PALLD: variants seen among roughly 807,000 people sequenced by gnomAD.
The protein encoded by PALLD is palladin, cytoskeletal associated protein.
A neutral mutation model predicts 123.5 loss-of-function variants in PALLD; 61 were observed. That is an observed-to-expected ratio of 0.49 (90% CI 0.40 to 0.61). PALLD has a LOEUF of 0.61. Ranked by LOEUF, PALLD falls within the 20% of genes least tolerant of loss-of-function variation. PALLD has a pLI of 0.00. For missense variants in PALLD, 1,273 were observed against 1,377.0 expected, an observed-to-expected ratio of 0.92 and a Z score of 1.20; for synonymous variants, 465 against 496.4, an observed-to-expected ratio of 0.94 and a Z score of 0.84.
intron 10 of PALLD, among the ~76,000 whole-genome samples, chr4:168,718,199 G>T (rs1009096112): frequency 6.6e-6 from 1 of 152,144 alleles, no homozygotes; most frequent in African/African-American, 2.4e-5. Context: ...ACTAGTTAGG[G>T]TTCAAGATCT....
intron 10 of PALLD, among the ~76,000 whole-genome samples, chr4:168,792,151 T>C (rs1326185543): frequency 6.6e-6 from 1 of 152,120 alleles, no homozygotes; most frequent in Non-Finnish European, 1.5e-5. Flanking sequence ...GATTCGTACC[T>C]CTGTATAATT....
chr4:168,680,043 G>A (rs1051024219), intron 3 of PALLD, among the ~76,000 whole-genome samples: 1 of 152,112 alleles, frequency 6.6e-6, no homozygotes, highest in Non-Finnish European at 1.5e-5. Context: ...GGAATACCAG[G>A]CAGCTATCCA....
chr4:168,876,449 T>C (rs1751764238), intron 10 of PALLD, among the ~76,000 whole-genome samples: 1 of 152,240 alleles, frequency 6.6e-6, no homozygotes, highest in African/African-American at 2.4e-5. Context: ...TATTTGATGC[T>C]CTGTACATAT....
intron 8 of PALLD, among the ~76,000 whole-genome samples, chr4:168,706,970 T>C (rs1383448974): frequency 6.6e-6 from 1 of 152,214 alleles, no homozygotes; most frequent in African/African-American, 2.4e-5. Flanking sequence ...CTTTATTTTA[T>C]ACTTAGTGTT....
intron 10 of PALLD, among the ~76,000 whole-genome samples, chr4:168,871,956 C>T (rs976549365): frequency 3.3e-5 from 5 of 152,204 alleles, no homozygotes; most frequent in Non-Finnish European, 7.3e-5. Flanking sequence ...TGGATCTCCA[C>T]AGACCTCCTA....
At chr4:168,634,234 G>A (rs779376191) in intron 2 of PALLD, among the ~76,000 whole-genome samples, 5 of 152,166 alleles carry the variant, frequency 3.3e-5, no homozygotes, top group Non-Finnish European at 5.9e-5. Context: ...ATTTCTAATC[G>A]TAACACATAT....
At chr4:168,631,601 C>A (rs1326413273) in intron 2 of PALLD, 10 of 985,496 alleles carry the variant, frequency 1.0e-5, no homozygotes, top group Non-Finnish European at 1.2e-5. Context: ...ACGCGCCCCT[C>A]GGCGAGACGC....
chr4:168,590,522 T>C (rs1269223142), intron 2 of PALLD, among the ~76,000 whole-genome samples: 3 of 152,242 alleles, frequency 2.0e-5, no homozygotes, highest in African/African-American at 7.2e-5. Context: ...TGTATAATAA[T>C]GGCACAACAA....
At chr4:168,657,543 T>C (rs1018192392) in intron 2 of PALLD, among the ~76,000 whole-genome samples, 5 of 152,140 alleles carry the variant, frequency 3.3e-5, no homozygotes, top group African/African-American at 1.2e-4. Flanking sequence ...TTTAGGCAGA[T>C]AGTGAGGGTA....
chr4:168,503,516 G>A (rs1761649654), intron 1 of PALLD, among the ~76,000 whole-genome samples: 1 of 151,934 alleles, frequency 6.6e-6, no homozygotes, highest in South Asian at 2.1e-4. Flanking sequence ...GCATGGTGGT[G>A]GGCGCCTGTA....
rs33961230 is a variant in PALLD at position 168,547,945 on chromosome 4, CAAA to C, written c.908+35552_908+35554del. ...TGGGCGACAGAGCAAGACTCCGTCT[CAAA>C]AAAAAAAAAAAAAAAAAACCTGGGA... is the stretch of plus-strand genomic sequence containing the variant. On this transcript the variant is annotated intron_variant, in intron 2 of 21. Coordinates refer to ENST00000505667, the MANE Select transcript of PALLD (RefSeq NM_001166108.2). Among the ~76,000 whole-genome samples the C allele has an allele frequency of 1.5e-3, 118 of 81,142 alleles. 1 individual carries two copies. The highest frequency in any genetic ancestry group is 5.2e-3 in the African/African-American group (106 of 20,350). 53.2% of individuals were successfully genotyped at this position (81,142 alleles called of 152,430 possible).
Position 168,774,061 on chromosome 4 carries a change from TTC to T in PALLD, c.1964+62146_1964+62147del, listed in dbSNP as rs538945373. Among the ~76,000 whole-genome samples the T allele has an allele frequency of 5.0e-3, 737 of 148,800 alleles. 8 individuals carry two copies. Among genetic ancestry groups the T allele is most frequent in the African/African-American group, 0.017 (696 of 40,404 alleles). On this transcript the variant is annotated intron_variant, in intron 10 of 21. Coordinates refer to ENST00000505667, the MANE Select transcript of PALLD (RefSeq NM_001166108.2). ...TGTCCCCTCCTCTCAAGCCACTGTT[TTC>T]TCTCTCTTTTTTTTTTTTTGCGATT...
At chr4:168,590,708 T>C (rs1424465863) in intron 2 of PALLD, among the ~76,000 whole-genome samples, 1 of 152,082 alleles carries the variant, frequency 6.6e-6, no homozygotes, top group Admixed American at 6.5e-5. Flanking sequence ...TTCTAGGAGA[T>C]GTCCGTGGCA....
chr4:168,733,728 T>G (rs1470627784), intron 10 of PALLD, among the ~76,000 whole-genome samples: 1 of 151,918 alleles, frequency 6.6e-6, no homozygotes, highest in African/African-American at 2.4e-5. Flanking sequence ...TTTGTTGTTG[T>G]TGTTGGTTTT....
At chr4:168,568,923 T>C (rs776370804) in intron 2 of PALLD, among the ~76,000 whole-genome samples, 2 of 151,980 alleles carry the variant, frequency 1.3e-5, no homozygotes, top group Non-Finnish European at 2.9e-5. Context: ...GTGTCCTTTT[T>C]AGGAAAACAT....
At chr4:168,640,411 C>T (rs2149867128) in intron 2 of PALLD, among the ~76,000 whole-genome samples, 1 of 152,332 alleles carries the variant, frequency 6.6e-6, no homozygotes, top group East Asian at 1.9e-4. Context: ...ACCCCTGAGA[C>T]TTCTGGCCCC....
chr4:168,551,698 A>C (rs576866789), intron 2 of PALLD, among the ~76,000 whole-genome samples: 1 of 152,250 alleles, frequency 6.6e-6, no homozygotes, highest in East Asian at 1.9e-4. Context: ...TTAAAAAAAA[A>C]ACAAAACAGG....
chr4:168,568,648 GTGTA>G (rs1453255227), intron 2 of PALLD, among the ~76,000 whole-genome samples: 9 of 152,100 alleles, frequency 5.9e-5, no homozygotes, highest in African/African-American at 2.2e-4. Context: ...GATGGGGTTT[GTGTA>G]TGTATAAGGT....
At chr4:168,557,952 T>C (rs1767489522) in intron 2 of PALLD, among the ~76,000 whole-genome samples, 2 of 152,170 alleles carry the variant, frequency 1.3e-5, no homozygotes, top group South Asian at 4.1e-4. Context: ...CTTACTTGGC[T>C]GGGTAGCTTT....
Sources: gnomAD v4.1 joint callset for allele counts (sites outside exome capture counted in the v4.1 genomes callset) on GRCh38, gnomAD v4.1.1 for gene constraint, MANE v1.5 for transcripts, NCBI Gene and HGNC (gene_info 2026-07-23, HGNC 2026-07-21) for gene names.